Variants in PLEKHA6 observed in about 807,000 individuals in gnomAD.
PLEKHA6 encodes pleckstrin homology domain-containing family A member 6.
PLEKHA6 carries 60 observed loss-of-function variants against 116.7 expected under a neutral mutation model. The observed-to-expected ratio is 0.51, with a 90% CI of 0.42 to 0.64. The LOEUF (loss-of-function observed/expected upper bound fraction) is 0.64. PLEKHA6 is among the 30% of genes least tolerant of loss of function. The pLI is 0.00. For missense variants in PLEKHA6, 1,338 were observed against 1,422.7 expected, an observed-to-expected ratio of 0.94 and a Z score of 0.96; for synonymous variants, 489 against 556.1, an observed-to-expected ratio of 0.88 and a Z score of 1.70.
At chr1:204,308,687 C>CTTTTTCTTTTTTTTT (rs1553275657) in intron 1 of PLEKHA6, among the ~76,000 whole-genome samples, 4 of 81,408 alleles carry the variant, frequency 4.9e-5, no homozygotes, top group African/African-American at 1.1e-4. Context: ...TTTTCTTTTT[C>CTTTTTCTTTTTTTTT]TTTTTTTTTT....
chr1:204,314,482 C>T (rs1362906839), intron 1 of PLEKHA6, among the ~76,000 whole-genome samples: 3 of 152,142 alleles, frequency 2.0e-5, no homozygotes, highest in East Asian at 1.9e-4. Flanking sequence ...GATCCTGGAA[C>T]GACAAGACTG....
chr1:204,297,283 C>T (rs1377441827), intron 1 of PLEKHA6: 1 of 842,076 alleles, frequency 1.2e-6, no homozygotes, highest in East Asian at 1.2e-4. Flanking sequence ...GTAAATTTCT[C>T]TTGTTGGAAA....
chr1:204,271,204 G>A (rs1413372902), intron 3 of PLEKHA6, among the ~76,000 whole-genome samples: 1 of 152,102 alleles, frequency 6.6e-6, no homozygotes, highest in African/African-American at 2.4e-5. Context: ...TTCTTCCAGT[G>A]TGGCCCAGGG....
At position 204,268,207 on chromosome 1, in the gene PLEKHA6, C is replaced by T; in HGVS notation, c.207+1G>A. 1 of 1,605,846 alleles carries T rather than the reference C, an allele frequency of 6.2e-7. No individual in the cohort carries two copies. Among genetic ancestry groups the T allele is most frequent in the Non-Finnish European group, 8.5e-7 (1 of 1,174,374 alleles). On this transcript the variant is annotated splice_donor_variant, in intron 4 of 22. Transcript: ENST00000272203. LOFTEE classifies it high-confidence loss of function. The stretch of plus-strand genomic sequence containing the variant: ...TGGCCAGAACCGCAGGGTGGCCTCA[C>T]CTGTTTGAAGAGCCAGCCCGCCTTG...
rs983294571 is a variant in PLEKHA6 at position 204,259,968 on chromosome 1, G to A, written c.525-228C>T. ...ATCCGCCCCTGCCCACACCTGCTGT[G>A]TTAACTCTGCCCCCCACGTCTTCTC... is the stretch of plus-strand genomic sequence containing the variant. On this transcript the variant is annotated intron_variant, in intron 7 of 22. Coordinates refer to ENST00000272203, the MANE Select transcript of PLEKHA6 (RefSeq NM_014935.5). This position sits in a 1 kb window ranked among gnomAD's most constrained non-coding sequence, Gnocchi z 4.6. 6.6e-6 allele frequency among the ~76,000 whole-genome samples: 1 copy of A among 152,096 alleles called. No individual in the cohort carries two copies. Among genetic ancestry groups the A allele is most frequent in the Non-Finnish European group, 1.5e-5 (1 of 68,024 alleles).
chr1:204,230,064 T>C (rs1242748671), intron 18 of PLEKHA6, among the ~76,000 whole-genome samples: 1 of 152,262 alleles, frequency 6.6e-6, no homozygotes, highest in African/African-American at 2.4e-5. Context: ...GCCAGCCCAG[T>C]GCTAGGCACA....
upstream of PLEKHA6, among the ~76,000 whole-genome samples, chr1:204,363,615 A>G (rs994525607): frequency 1.3e-5 from 2 of 152,000 alleles, no homozygotes; most frequent in Non-Finnish European, 2.9e-5. Context: ...AACGCGGAGG[A>G]GGGAGACAAG....
chr1:204,277,899 T>A lies in PLEKHA6; in HGVS notation c.-94-3090A>T, dbSNP rs1286101608. ...GTGGATGCTGTGGAACCAGAGCTGG[T>A]GGCTAGGATGGGGCTGCTCAGGCAA... On this transcript the variant is annotated intron_variant, in intron 1 of 22. Transcript: ENST00000272203. The surrounding 1 kb of genome is among the most constrained non-coding windows in gnomAD (Gnocchi z 4.1). The A allele has an allele frequency of 1.3e-5, 2 of 152,222 alleles. No individual in the cohort carries two copies. The highest frequency in any genetic ancestry group is 2.9e-5 in the Non-Finnish European group (2 of 68,082). The allele number at this position is 152,222 out of a possible 1,614,324, so 9.4% of individuals were successfully genotyped here. A position where few individuals can be genotyped will look rare whatever the true frequency, so the allele number is the denominator to read the frequency against.
At chr1:204,331,611 T>C (rs763117933) in intron 1 of PLEKHA6, among the ~76,000 whole-genome samples, 6 of 152,134 alleles carry the variant, frequency 3.9e-5, no homozygotes, top group Non-Finnish European at 8.8e-5. Flanking sequence ...AGAAGTCCTT[T>C]GGAAGGGAGA....
intron 1 of PLEKHA6, among the ~76,000 whole-genome samples, chr1:204,337,793 A>G (rs1996004): frequency 0.95 from 144,986 of 152,240 alleles, 69,141 homozygotes; most frequent in East Asian, 1. Context: ...ACGTACCACA[A>G]TAGTCATATG....
rs748448730 is a variant in PLEKHA6, at chr1:204,265,088, AGC to A, written c.281-48_281-47del. 37 of 1,310,026 alleles carry A rather than the reference AGC, an allele frequency of 2.8e-5. No homozygotes were observed. The African/African-American group carries it at 5.3e-4, about 19-fold the overall frequency. 81.2% of individuals were successfully genotyped at this position (1,310,026 alleles called of 1,614,324 possible). A position where few individuals can be genotyped will look rare whatever the true frequency, so the allele number is the denominator to read the frequency against. On this transcript the variant is annotated intron_variant, in intron 5 of 22. Transcript: ENST00000272203. ...AGAAGGGTGTGTGTGTGTGTGTGCA[AGC>A]GTGTGCGTGCGCCAGGGGTGGGGAG... is the stretch of plus-strand genomic sequence containing the variant.
At chr1:204,252,260 T>G (rs1398226367) in intron 9 of PLEKHA6, among the ~76,000 whole-genome samples, 1 of 150,798 alleles carries the variant, frequency 6.6e-6, no homozygotes, top group African/African-American at 2.4e-5. Flanking sequence ...ACACATTCTT[T>G]CTATTTCAAG....
At chr1:204,300,467 C>A (rs1478473657) in intron 1 of PLEKHA6, among the ~76,000 whole-genome samples, 2 of 152,216 alleles carry the variant, frequency 1.3e-5, no homozygotes, top group African/African-American at 2.4e-5. Context: ...CCCGACAAAG[C>A]CAGCTGGATT....
intron 1 of PLEKHA6, among the ~76,000 whole-genome samples, chr1:204,332,618 G>A (rs1051055796): frequency 6.6e-6 from 1 of 152,186 alleles, no homozygotes; most frequent in Non-Finnish European, 1.5e-5. Flanking sequence ...TTGACCTCGT[G>A]ATCCACCCAC....
At chr1:204,363,053 G>C (rs1673591217), upstream of PLEKHA6, among the ~76,000 whole-genome samples, 1 of 152,238 alleles carries the variant, frequency 6.6e-6, no homozygotes, top group African/African-American at 2.4e-5. Context: ...AGCTAGTGGG[G>C]TCACTGTACC....
intron 1 of PLEKHA6, among the ~76,000 whole-genome samples, chr1:204,289,819 G>A (rs750668823): frequency 1.3e-5 from 2 of 152,150 alleles, no homozygotes; most frequent in Non-Finnish European, 2.9e-5. Context: ...TCAGGTTCCT[G>A]CTCTTTTAAA....
chr1:204,237,221 C>T (rs1662187323), intron 17 of PLEKHA6, among the ~76,000 whole-genome samples: 1 of 152,170 alleles, frequency 6.6e-6, no homozygotes, highest in Non-Finnish European at 1.5e-5. Context: ...GGTCATTTCC[C>T]CAGTGCCAGA....
intron 1 of PLEKHA6, among the ~76,000 whole-genome samples, chr1:204,375,180 T>G (rs2103422209): frequency 6.6e-6 from 1 of 152,146 alleles, no homozygotes; most frequent in East Asian, 1.9e-4. Flanking sequence ...TCCCTCGCAC[T>G]CTTCTGGGTC....
intron 3 of PLEKHA6, among the ~76,000 whole-genome samples, chr1:204,367,619 C>T (rs11240729): frequency 0.02 from 3,043 of 152,240 alleles, 101 homozygotes; most frequent in African/African-American, 0.068. Context: ...CATAAACAGA[C>T]GCACTGATAC....
Sources: allele counts gnomAD v4.1 joint callset (sites outside exome capture counted in the v4.1 genomes callset), GRCh38; gene constraint gnomAD v4.1.1; non-coding constraint Gnocchi (gnomAD v3.1); transcripts MANE v1.5; gene names NCBI Gene and HGNC (gene_info 2026-07-23, HGNC 2026-07-21).